IDO1: variants seen among roughly 807,000 people sequenced by gnomAD.
IDO1 encodes indoleamine 2,3-dioxygenase 1.
IDO1 carries 35 observed loss-of-function variants against 38.8 expected under a neutral mutation model. The observed-to-expected ratio is 0.90, with a 90% CI of 0.69 to 1.20. IDO1 has a LOEUF of 1.20. Ranked by LOEUF, IDO1 falls within the 50% of genes most tolerant of loss-of-function variation. The pLI is 0.00. For synonymous variants in IDO1, 171 were observed against 170.0 expected, an observed-to-expected ratio of 1.01 and a Z score of -0.05; for missense variants, 509 against 485.1, an observed-to-expected ratio of 1.05 and a Z score of -0.46.
In IDO1 at chr8:39,920,105, T is replaced by G; in HGVS notation, c.428T>G (p.Leu143Arg). The G allele has an allele frequency of 6.2e-7, 1 of 1,610,926 alleles. No individual in the cohort carries two copies. Among genetic ancestry groups the G allele is most frequent in the Non-Finnish European group, 8.5e-7 (1 of 1,178,204 alleles). The change falls in exon 5 of 10, where the codon CTG (leucine) becomes CGG (arginine). Residue 143 changes from leucine (L) to arginine (R), a missense_variant. Physicochemically the swap from Leu to Arg is moderately radical, Grantham distance 102. Transcript: ENST00000518237. Reference protein sequence around the residue: ...NWKKKDPNKPLTYENMDVLFS... With the variant: ...NWKKKDPNKPRTYENMDVLFS... ...TTCATGGCTGCTTTCATAAGGCCCC[T>G]GACTTATGAGTAAGTATCTGATTCT...
At position 39,918,173 on chromosome 8, in the gene IDO1, A is replaced by G. The variant is rs375715414; in HGVS notation, c.269A>G (p.Tyr90Cys). Residue 90 changes from tyrosine to cysteine, a missense_variant, in exon 3 of 10, where the codon TAT becomes TGT. Transcript: ENST00000518237. ...GTTCTGGGATGCATCACCATGGCATATGTGTGGGGCAAAGGTCATGGAGAT... is the reference window on the plus strand; with the variant it reads ...GTTCTGGGATGCATCACCATGGCATGTGTGTGGGGCAAAGGTCATGGAGAT... ...RLVLGCITMA[Y>C]VWGKGHGDVR... The G allele has an allele frequency of 4.3e-6, 7 of 1,613,806 alleles. No homozygotes were observed. The highest frequency in any genetic ancestry group is 5.9e-6 in the Non-Finnish European group (7 of 1,179,838).
Position 39,928,543 on chromosome 8 carries a change from C to A in IDO1, c.*358C>A, listed in dbSNP as rs139027344. The A allele has an allele frequency of 1.8e-5, 3 of 163,876 alleles. No individual in the cohort carries two copies. Among genetic ancestry groups the A allele is most frequent in the Non-Finnish European group, 4.0e-5 (3 of 75,232 alleles). 10.2% of individuals were successfully genotyped at this position (163,876 alleles called of 1,614,324 possible). ...GGTCAGGAGATCGAGACCATCTTGG[C>A]TAACACGGTGAAACCCCGTCTCTAC... On this transcript the variant is annotated 3_prime_UTR_variant, in exon 10 of 10. Coordinates refer to ENST00000518237, the MANE Select transcript of IDO1 (RefSeq NM_002164.6).
At chr8:39,914,903 T>C (rs1807151003) in intron 1 of IDO1, among the ~76,000 whole-genome samples, 1 of 152,104 alleles carries the variant, frequency 6.6e-6, no homozygotes, top group South Asian at 2.1e-4. Flanking sequence ...GTAGCTGGGA[T>C]TATAGGCACC....
chr8:39,928,292 A>C lies in IDO1; in HGVS notation c.*107A>C. 1 of 744,446 alleles carries C rather than the reference A, an allele frequency of 1.3e-6. No homozygotes were observed. Among genetic ancestry groups the C allele is most frequent in the Non-Finnish European group, 2.1e-6 (1 of 468,490 alleles). The allele number at this position is 744,446 out of a possible 1,614,324, so 46.1% of individuals were successfully genotyped here. A position where few individuals can be genotyped will look rare whatever the true frequency, so the allele number is the denominator to read the frequency against. The stretch of plus-strand genomic sequence containing the variant: ...AACTAATACTATGCAATGTTTTACC[A>C]ATAATGCAATACAAAAGACCTCAAA... On this transcript the variant is annotated 3_prime_UTR_variant, in exon 10 of 10. Transcript: ENST00000518237.
chr8:39,927,830 G>T lies in IDO1; in HGVS notation c.857G>T (p.Gly286Val). 6.6e-7 allele frequency: 1 copy of T among 1,510,878 alleles called. No homozygotes were observed. The allele number at this position is 1,510,878 out of a possible 1,614,324, so 93.6% of individuals were successfully genotyped here. The change falls in exon 10 of 10, where the codon GGA becomes GTA. Residue 286 changes from glycine (G) to valine (V), a missense_variant and splice_region_variant. Gly to Val is a moderately radical substitution (Grantham distance 109). Coordinates refer to ENST00000518237, the MANE Select transcript of IDO1 (RefSeq NM_002164.6). ...TTTCCTCTTTCTCTTTTTCCTATAG[G>T]ACATGCTGCTCAGTTCCTCCAGGAC... ...LLGIQQTAGG[G>V]HAAQFLQDMR...
chr8:39,919,058 G>T lies in IDO1; in HGVS notation c.422+125G>T, dbSNP rs777580149. ...TCTCAGCTGGGTATGGTTCCTCTCA[G>T]TTCCTCGGCTGGGTACGGTTTCTTG... is the stretch of plus-strand genomic sequence containing the variant. On this transcript the variant is annotated intron_variant, in intron 4 of 9. Transcript: ENST00000518237. The T allele has an allele frequency of 2.5e-5, 19 of 767,278 alleles. No individual in the cohort carries two copies. In the South Asian group the frequency reaches 2.6e-4, roughly 10 times the overall value. The allele number at this position is 767,278 out of a possible 1,614,324, so 47.5% of individuals were successfully genotyped here. A position where few individuals can be genotyped will look rare whatever the true frequency, so the allele number is the denominator to read the frequency against.
chr8:39,923,361 G>A (rs1000031494), intron 6 of IDO1, 108 bp from the exon 7 acceptor site: 13 of 623,452 alleles, frequency 2.1e-5, no homozygotes, highest in Non-Finnish European at 3.3e-5. Context: ...CTGAGATCGC[G>A]CCACTGCACC....
At chr8:39,919,923 T>C (rs963401599) in intron 4 of IDO1, among the ~76,000 whole-genome samples, 177 bp from the exon 5 acceptor site, 39 of 152,408 alleles carry the variant, frequency 2.6e-4, no homozygotes, top group Non-Finnish European at 4.8e-4. Flanking sequence ...TTGTAAGTTA[T>C]TAAGTTAAAT....
chr8:39,924,685 A>G, intron 7 of IDO1, 36 bp from the exon 8 acceptor site: 1 of 1,479,246 alleles, frequency 6.8e-7, no homozygotes, highest in Non-Finnish European at 9.4e-7. Flanking sequence ...TATACCTCTG[A>G]TGCTGCTTAA....
At chr8:39,926,728 C>G (rs1173736704) in intron 9 of IDO1, among the ~76,000 whole-genome samples, 1 of 152,074 alleles carries the variant, frequency 6.6e-6, no homozygotes, top group Admixed American at 6.6e-5. Flanking sequence ...CATGTGCAGG[C>G]TTATTACACA....
chr8:39,918,336 AT>A, intron 3 of IDO1, 129 bp downstream of exon 3: 1 of 805,410 alleles, frequency 1.2e-6, no homozygotes, highest in South Asian at 1.9e-5. Context: ...CGACAAAATG[AT>A]AAAGAAAATA....
intron 4 of IDO1, 78 bp from the exon 5 acceptor site, chr8:39,920,022 A>T (rs914976908): frequency 7.3e-6 from 9 of 1,230,402 alleles, no homozygotes; most frequent in Non-Finnish European, 1.1e-5. Context: ...AATAGCAACA[A>T]CTCATCATTA....
intron 1 of IDO1, among the ~76,000 whole-genome samples, chr8:39,915,195 A>G (rs1484962415): frequency 6.6e-6 from 1 of 152,220 alleles, no homozygotes; most frequent in Non-Finnish European, 1.5e-5. Flanking sequence ...TCCAGAGTCT[A>G]TGATCTTAAA....
chr8:39,928,110 T>A lies in IDO1; in HGVS notation c.1137T>A (p.Thr379=), dbSNP rs563087970. ...CTTCAAAACTGGAAGCCAAAGGAAC[T>A]GGAGGCACTGATTTAATGAATTTCC... is the stretch of plus-strand genomic sequence containing the variant. ...EDPSKLEAKG[T]GGTDLMNFLK... Residue 379 remains threonine (T), a synonymous_variant, in exon 10 of 10, where the codon ACT becomes ACA. Transcript: ENST00000518237. The A allele has an allele frequency of 6.9e-5, 111 of 1,613,596 alleles. 1 individual carries two copies. The South Asian group carries it at 1.2e-3, about 18-fold the overall frequency.
At position 39,927,818 on chromosome 8, in the gene IDO1, T is replaced by A. The variant is rs776565493; in HGVS notation, c.857-12T>A. 1.4e-6 allele frequency: 2 copies of A among 1,480,578 alleles called. No individual in the cohort carries two copies. Among genetic ancestry groups the A allele is most frequent in the Non-Finnish European group, 1.8e-6 (2 of 1,112,194 alleles). 91.7% of individuals were successfully genotyped at this position (1,480,578 alleles called of 1,614,324 possible). On this transcript the variant is annotated splice_polypyrimidine_tract_variant and intron_variant, in intron 9 of 9. Transcript: ENST00000518237. ...GTGACCTCCGTATTTCCTCTTTCTCTTTTTCCTATAGGACATGCTGCTCAG... is the reference window on the plus strand; with the variant it reads ...GTGACCTCCGTATTTCCTCTTTCTCATTTTCCTATAGGACATGCTGCTCAG...
chr8:39,920,044 A>G (rs1807248843), intron 4 of IDO1, 56 bp from the exon 5 acceptor site: 1 of 1,511,028 alleles, frequency 6.6e-7, no homozygotes, highest in South Asian at 1.1e-5. Context: ...TTGATGTTAA[A>G]TTGGTTTTCT....
chr8:39,921,366 T>C (rs535360450), intron 5 of IDO1, among the ~76,000 whole-genome samples: 1 of 152,074 alleles, frequency 6.6e-6, no homozygotes, highest in Non-Finnish European at 1.5e-5. Flanking sequence ...AGCAGGAGAA[T>C]AGCTTGAACC....
At chr8:39,915,519 T>C (rs1390707700) in intron 1 of IDO1, 1 of 152,304 alleles carries the variant, frequency 6.6e-6, no homozygotes, top group East Asian at 1.9e-4. Context: ...AATCTAATTT[T>C]CCTCTTCAGA....
intron 8 of IDO1, 134 bp from the exon 9 acceptor site, chr8:39,925,089 G>A (rs1472758809): frequency 5.1e-6 from 4 of 791,820 alleles, no homozygotes; most frequent in Non-Finnish European, 8.0e-6. Context: ...GCAGGGGCAA[G>A]GGGGTATGAA....
Sources: allele counts gnomAD v4.1 joint callset (sites outside exome capture counted in the v4.1 genomes callset), GRCh38; gene constraint gnomAD v4.1.1; transcripts MANE v1.5; gene names NCBI Gene and HGNC (gene_info 2026-07-23, HGNC 2026-07-21).